LIMA1: variants seen among roughly 807,000 people sequenced by gnomAD.
LIMA1 encodes LIM domain and actin-binding protein 1.
A neutral mutation model predicts 62.6 loss-of-function variants in LIMA1; 52 were observed. That is an observed-to-expected ratio of 0.83 (90% CI 0.67 to 1.05). LIMA1 has a LOEUF of 1.05. LIMA1 is among the 50% of genes least tolerant of loss of function. The pLI, the probability that LIMA1 is intolerant of heterozygous loss-of-function variation, is 0.00. For missense variants in LIMA1, 780 were observed against 902.2 expected, an observed-to-expected ratio of 0.86 and a Z score of 1.74; for synonymous variants, 302 against 317.8, an observed-to-expected ratio of 0.95 and a Z score of 0.53.
Position 50,231,647 on chromosome 12 carries a change from G to A in LIMA1, c.165+18C>T. 1 of 1,613,048 alleles carries A rather than the reference G, an allele frequency of 6.2e-7. No homozygotes were observed. Among genetic ancestry groups the A allele is most frequent in the Non-Finnish European group, 8.5e-7 (1 of 1,179,150 alleles). On this transcript the variant is annotated intron_variant, in intron 3 of 10. Coordinates refer to ENST00000341247, the MANE Select transcript of LIMA1 (RefSeq NM_016357.5). ...TGCTCAAGAAGTGCCACATGCCCTG[G>A]AATTTCTGAATACTTACACTTCTCT...
At chr12:50,224,637 C>T (rs1474493505) in intron 3 of LIMA1, among the ~76,000 whole-genome samples, 1 of 152,148 alleles carries the variant, frequency 6.6e-6, no homozygotes, top group Non-Finnish European at 1.5e-5. Context: ...TTCTCAGATA[C>T]CTATCATGTG....
At chr12:50,222,554 T>C (rs754116242) in intron 3 of LIMA1, 69 bp from the exon 4 acceptor site, 2 of 1,607,090 alleles carry the variant, frequency 1.2e-6, no homozygotes, top group East Asian at 2.2e-5. Context: ...TTGTTCTTTG[T>C]AAAATGAAAG....
At chr12:50,187,290 TTAAC>T (rs1406137540) in intron 9 of LIMA1, 1 of 152,202 alleles carries the variant, frequency 6.6e-6, no homozygotes, top group Non-Finnish European at 1.5e-5. Context: ...GACATTGATG[TTAAC>T]TAGCCTTTAG....
intron 10 of LIMA1, among the ~76,000 whole-genome samples, chr12:50,181,568 A>G (rs1940502826): frequency 6.6e-6 from 1 of 152,206 alleles, no homozygotes; most frequent in African/African-American, 2.4e-5. Context: ...GTAAGGGCTT[A>G]AACAAGTAAC....
At chr12:50,217,900 CTTTTCTTT>C in intron 4 of LIMA1, 2 of 151,348 alleles carry the variant, frequency 1.3e-5, no homozygotes, top group South Asian at 1.7e-4. Flanking sequence ...TGATGAATTT[CTTTTCTTT>C]TTTTTTTTTT....
chr12:50,269,776 C>T (rs564630582), intron 1 of LIMA1, among the ~76,000 whole-genome samples: 11 of 150,330 alleles, frequency 7.3e-5, no homozygotes, highest in South Asian at 2.1e-4. Context: ...AAAAATTAGC[C>T]GGGTGTGGTG....
At chr12:50,210,254 C>A (rs576408601) in intron 4 of LIMA1, among the ~76,000 whole-genome samples, 2 of 151,902 alleles carry the variant, frequency 1.3e-5, no homozygotes, top group Non-Finnish European at 2.9e-5. Flanking sequence ...GAAACCCCAT[C>A]TCTACTAAAA....
intron 1 of LIMA1, among the ~76,000 whole-genome samples, chr12:50,273,513 T>A (rs1334731806): frequency 1.3e-5 from 2 of 152,058 alleles, no homozygotes; most frequent in Non-Finnish European, 2.9e-5. Flanking sequence ...AACTGTCAGC[T>A]ACTCTACAAA....
intron 2 of LIMA1, among the ~76,000 whole-genome samples, chr12:50,245,646 G>A (rs1381917973): frequency 6.6e-6 from 1 of 150,900 alleles, no homozygotes; most frequent in Non-Finnish European, 1.5e-5. Context: ...AGGAGGGCAT[G>A]ATGATGAATA....
At chr12:50,224,784 C>CAGTG (rs1941500936) in intron 3 of LIMA1, among the ~76,000 whole-genome samples, 1 of 151,824 alleles carries the variant, frequency 6.6e-6, no homozygotes, top group South Asian at 2.1e-4. Context: ...GGCTGAAATG[C>CAGTG]AGTGGTGTAA....
chr12:50,217,394 C>T (rs985511963), intron 4 of LIMA1, among the ~76,000 whole-genome samples: 40 of 152,098 alleles, frequency 2.6e-4, no homozygotes, highest in African/African-American at 7.5e-4. Flanking sequence ...CATAGAACAC[C>T]TATTGCTAAA....
intron 4 of LIMA1, among the ~76,000 whole-genome samples, chr12:50,221,716 C>T (rs1468722509): frequency 6.6e-6 from 1 of 152,148 alleles, no homozygotes. Flanking sequence ...ATAAAGAACA[C>T]AGGAAGACAA....
At chr12:50,283,005 G>C (rs1416341735) in intron 1 of LIMA1, among the ~76,000 whole-genome samples, 1 of 152,188 alleles carries the variant, frequency 6.6e-6, no homozygotes, top group South Asian at 2.1e-4. Context: ...TAATGGAAGG[G>C]AGAAAAAATC....
chr12:50,215,418 G>A (rs115315225), intron 4 of LIMA1, among the ~76,000 whole-genome samples: 2,125 of 152,084 alleles, frequency 0.014, 46 homozygotes, highest in African/African-American at 0.049. Flanking sequence ...AACTTCCTTT[G>A]TTATTTTATA....
chr12:50,222,447 G>T lies in LIMA1; in HGVS notation c.204C>A (p.Thr68=). 1 of 1,614,094 alleles carries T rather than the reference G, an allele frequency of 6.2e-7. No homozygotes were observed. Among genetic ancestry groups the T allele is most frequent in the South Asian group, 1.1e-5 (1 of 91,074 alleles). ...ENLSQHFRKG[T]LTVLKKKWEN... ...CCCACTTCTTCTTTAACACAGTCAGGGTCCCCTTTCTAAAGTGCTGGGAGA... is the reference window on the plus strand; with the variant it reads ...CCCACTTCTTCTTTAACACAGTCAGTGTCCCCTTTCTAAAGTGCTGGGAGA... The change falls in exon 4 of 11, where the codon ACC becomes ACA. Residue 68 remains threonine, a synonymous_variant. Coordinates refer to ENST00000341247, the MANE Select transcript of LIMA1 (RefSeq NM_016357.5).
rs1379481578 is a variant in LIMA1 at position 50,176,058 on chromosome 12, T to A, written c.*1006A>T. On this transcript the variant is annotated 3_prime_UTR_variant, in exon 11 of 11. Transcript: ENST00000341247. Reference sequence around the variant, plus strand: ...GAAAAAGGCCTATAGTTGGTTTAATTTCACCCTGAGAATACTGTGATAAAA... The same window carrying A: ...GAAAAAGGCCTATAGTTGGTTTAATATCACCCTGAGAATACTGTGATAAAA... The A allele has an allele frequency of 6.6e-6, 1 of 152,146 alleles. No individual in the cohort carries two copies. Among genetic ancestry groups the A allele is most frequent in the Non-Finnish European group, 1.5e-5 (1 of 68,048 alleles). The allele number at this position is 152,146 out of a possible 1,614,324, so 9.4% of individuals were successfully genotyped here.
chr12:50,244,799 G>T (rs1005647987), intron 2 of LIMA1, among the ~76,000 whole-genome samples: 1 of 152,146 alleles, frequency 6.6e-6, no homozygotes, highest in Non-Finnish European at 1.5e-5. Flanking sequence ...AATGAGAACT[G>T]GCTGGGCTGG....
chr12:50,228,386 G>C (rs1941563829), intron 3 of LIMA1, among the ~76,000 whole-genome samples: 1 of 152,124 alleles, frequency 6.6e-6, no homozygotes, highest in African/African-American at 2.4e-5. Flanking sequence ...AACACAAGAT[G>C]ACCAATGACC....
intron 3 of LIMA1, among the ~76,000 whole-genome samples, chr12:50,225,406 T>C (rs1941512752): frequency 6.6e-6 from 1 of 152,228 alleles, no homozygotes; most frequent in African/African-American, 2.4e-5. Flanking sequence ...CCTGACAGTT[T>C]ATATGGTATA....
Sources: allele counts gnomAD v4.1 joint callset (sites outside exome capture counted in the v4.1 genomes callset), GRCh38; gene constraint gnomAD v4.1.1; transcripts MANE v1.5; gene names NCBI Gene and HGNC (gene_info 2026-07-23, HGNC 2026-07-21).